The following RTEL1 variants were observed in gnomAD, a reference collection of about 807,000 sequenced individuals.
The protein encoded by RTEL1 is regulator of telomere length.
A neutral mutation model predicts 162.2 loss-of-function variants in RTEL1; 86 were observed. That is an observed-to-expected ratio of 0.53 (90% CI 0.45 to 0.63). The LOEUF (loss-of-function observed/expected upper bound fraction) is 0.63. Among genes scored for constraint, RTEL1 ranks in the 30% least tolerant of loss-of-function variants. The probability of loss-of-function intolerance (pLI) is 0.00; values close to 1 mark genes in which losing one functional copy is unlikely to be tolerated. For missense variants in RTEL1, 1,941 were observed against 1,750.2 expected (o/e 1.11, Z -1.95); for synonymous variants, 958 against 717.9 (o/e 1.33, Z -5.35).
chr20:63,684,500 C>T (rs1289328182), intron 14 of RTEL1, among the ~76,000 whole-genome samples: 4 of 152,154 alleles, frequency 2.6e-5, no homozygotes, highest in Non-Finnish European at 4.4e-5. Flanking sequence ...ATTATAGGCA[C>T]CTGCCACCAC....
intron 28 of RTEL1, 184 bp downstream of exon 28, chr20:63,692,021 C>T: frequency 1.8e-6 from 1 of 560,922 alleles, no homozygotes; most frequent in Non-Finnish European, 3.2e-6. Flanking sequence ...CTGCAGGGGG[C>T]TCATGAGTCC....
chr20:63,667,436 T>A (rs1236588015), intron 7 of RTEL1, 33 bp from the exon 8 acceptor site: 1 of 1,551,826 alleles, frequency 6.4e-7, no homozygotes, highest in African/African-American at 1.4e-5. Flanking sequence ...CTGCATGGGG[T>A]GCTCACAGGA....
At position 63,673,861 on chromosome 20, in the gene RTEL1, C is replaced by T. The variant is rs967211747; in HGVS notation, c.766-79C>T. ...GGCTGTCAGCCTCCTGTGCCTTCTG[C>T]ACCCCCACCCCATTTCTGCTTTCTG... is the stretch of plus-strand genomic sequence containing the variant. On this transcript the variant is annotated intron_variant, in intron 9 of 34. Transcript: ENST00000360203. The T allele has an allele frequency of 6.0e-6, 9 of 1,492,684 alleles. No homozygotes were observed. In the African/African-American group the frequency reaches 1.1e-4, roughly 19 times the overall value. 92.5% of individuals were successfully genotyped at this position (1,492,684 alleles called of 1,614,324 possible). A position where few individuals can be genotyped will look rare whatever the true frequency, so the allele number is the denominator to read the frequency against.
intron 8 of RTEL1, 99 bp downstream of exon 8, chr20:63,667,652 TCAG>T: frequency 1.0e-6 from 1 of 974,698 alleles, no homozygotes. Context: ...GGGCCTTAGA[TCAG>T]CAGGCCTGGG....
In RTEL1 at chr20:63,689,107, C is replaced by T. The variant is rs773671532; in HGVS notation, c.1853C>T (p.Thr618Ile). 6 of 1,610,190 alleles carry T rather than the reference C, an allele frequency of 3.7e-6. No individual in the cohort carries two copies. In the African/African-American group the frequency reaches 5.3e-5, roughly 14 times the overall value. The stretch of plus-strand genomic sequence containing the variant: ...GCCGCCCCTGGGTCCACCGGCGCCA[C>T]CTTCCTGGCGGTCTGCCGGGGCAAG... ...RVAAPGSTGA[T>I]FLAVCRGKAS... The change falls in exon 22 of 35, where the codon ACC becomes ATC. Residue 618 changes from threonine (T) to isoleucine (I), a missense_variant. Transcript: ENST00000360203.
Position 63,695,516 on chromosome 20 carries a change from G to A in RTEL1, c.3688G>A (p.Ala1230Thr), listed in dbSNP as rs376783852. 2.5e-6 allele frequency: 4 copies of A among 1,612,140 alleles called. No individual in the cohort carries two copies. The South Asian group carries it at 4.4e-5, about 18-fold the overall frequency. The change falls in exon 34 of 35, where the codon GCC (alanine) becomes ACC (threonine). Residue 1230 changes from alanine to threonine, a missense_variant. Transcript: ENST00000360203. ...PHGRDIAGQQ[A>T]TGAPGGPLSA... The stretch of plus-strand genomic sequence containing the variant: ...TGGGAGAGACATCGCTGGGCAGCAG[G>A]CCACGGGAGCTCCGGGCGGGCCCCT...
At position 63,695,173 on chromosome 20, in the gene RTEL1, G is replaced by A. The variant is rs1321345887; in HGVS notation, c.3451G>A (p.Glu1151Lys). The A allele has an allele frequency of 6.2e-7, 1 of 1,612,382 alleles. No homozygotes were observed. Among genetic ancestry groups the A allele is most frequent in the Middle Eastern group, 1.7e-4 (1 of 6,060 alleles). Residue 1151 changes from glutamate (E) to lysine (K), a missense_variant, in exon 33 of 35, where the codon GAG (glutamate) becomes AAG (lysine). Glu to Lys is a moderately conservative substitution (Grantham distance 56). Coordinates refer to ENST00000360203, the MANE Select transcript of RTEL1 (RefSeq NM_001283009.2). Reference protein sequence around the residue: ...PGMEPPGPQEERLAVPPVLTH... With the variant: ...PGMEPPGPQEKRLAVPPVLTH... ...CATGGAGCCACCGGGACCCCAGGAG[G>A]AGAGGCTTGCCGTGCCTCCTGTGCT...
intron 14 of RTEL1, chr20:63,681,475 A>G: frequency 1.0e-6 from 1 of 985,166 alleles, no homozygotes; most frequent in Non-Finnish European, 1.2e-6. Context: ...TGCTGGCCAC[A>G]CGAGATCATG....
At position 63,662,519 on chromosome 20, in the gene RTEL1, T is replaced by C. The variant is rs774523585; in HGVS notation, c.396-27T>C. ...TGTGGGTGTTGGAGACAGCTCCTCC[T>C]CGACCCACGGTGCTCTCTCCCACCA... On this transcript the variant is annotated intron_variant, in intron 4 of 34. Transcript: ENST00000360203. 106 of 1,613,076 alleles carry C rather than the reference T, an allele frequency of 6.6e-5. No individual in the cohort carries two copies. Among genetic ancestry groups the C allele is most frequent in the Non-Finnish European group, 8.5e-5 (100 of 1,179,746 alleles).
At chr20:63,667,039 C>G (rs778595187) in intron 7 of RTEL1, among the ~76,000 whole-genome samples, 2 of 151,752 alleles carry the variant, frequency 1.3e-5, no homozygotes, top group South Asian at 4.2e-4. Context: ...CGGGGTTTCA[C>G]CGTGTTAGCC....
At position 63,693,244 on chromosome 20, in the gene RTEL1, C is replaced by G. The variant is rs772031890; in HGVS notation, c.2953C>G (p.Pro985Ala). ...GCGYRPEHSI[P>A]RRQRAQPVLD... Reference sequence around the variant, plus strand: ...TGGCTATCGGCCTGAGCACAGCATTCCCCGAAGGCAGCGGGCACAGCCGGT... The same window carrying G: ...TGGCTATCGGCCTGAGCACAGCATTGCCCGAAGGCAGCGGGCACAGCCGGT... Residue 985 changes from proline to alanine, a missense_variant, in exon 30 of 35, where the codon CCC becomes GCC. Transcript: ENST00000360203. The G allele has an allele frequency of 1.2e-6, 2 of 1,612,006 alleles. No individual in the cohort carries two copies. The highest frequency in any genetic ancestry group is 1.1e-5 in the South Asian group (1 of 91,092).
chr20:63,693,308 C>T (rs373658720), intron 30 of RTEL1, 25 bp downstream of exon 30: 3 of 1,610,424 alleles, frequency 1.9e-6, no homozygotes, highest in African/African-American at 1.3e-5. Flanking sequence ...AGGTGGGACC[C>T]TCAGACTCCT....
chr20:63,676,127 G>T (rs950274076), intron 10 of RTEL1, among the ~76,000 whole-genome samples: 1 of 152,058 alleles, frequency 6.6e-6, no homozygotes, highest in Non-Finnish European at 1.5e-5. Context: ...GGAGAGCGGT[G>T]GTGCCATCAC....
At chr20:63,693,036 G>C (rs767423621) in intron 29 of RTEL1, 33 bp downstream of exon 29, 5 of 1,610,888 alleles carry the variant, frequency 3.1e-6, no homozygotes, top group East Asian at 2.2e-5. Flanking sequence ...CCCACCCTGA[G>C]GGCAGTGCTG....
chr20:63,690,841 G>A lies in RTEL1; in HGVS notation c.2450G>A (p.Cys817Tyr), dbSNP rs750290515. The part of the protein sequence containing the change: ...PAAGDPESSL[C>Y]VEYEQEPVPA... ...GCCGGGGACCCCGAGAGTAGCCTGTGTGTGGAGTATGAGCAGGAGCCAGTT... is the reference window on the plus strand; with the variant it reads ...GCCGGGGACCCCGAGAGTAGCCTGTATGTGGAGTATGAGCAGGAGCCAGTT... Residue 817 changes from cysteine (C) to tyrosine (Y), a missense_variant, in exon 27 of 35, where the codon TGT becomes TAT. Cys to Tyr is a radical substitution (Grantham distance 194). Coordinates refer to ENST00000360203, the MANE Select transcript of RTEL1 (RefSeq NM_001283009.2). 3.7e-6 allele frequency: 6 copies of A among 1,605,640 alleles called. No individual in the cohort carries two copies. Among genetic ancestry groups the A allele is most frequent in the Admixed American group, 1.7e-5 (1 of 59,380 alleles).
chr20:63,688,612 A>C lies in RTEL1; in HGVS notation c.1800+7A>C. The C allele has an allele frequency of 6.2e-7, 1 of 1,601,914 alleles. No individual in the cohort carries two copies. The highest frequency in any genetic ancestry group is 8.5e-7 in the Non-Finnish European group (1 of 1,176,172). Reference sequence around the variant, plus strand: ...CAAAGGCAGCTTCTCCGAGGTCGGCACTTGGCCGGGGCTCTGGGCCTGCTG... The same window carrying C: ...CAAAGGCAGCTTCTCCGAGGTCGGCCCTTGGCCGGGGCTCTGGGCCTGCTG... On this transcript the variant is annotated splice_region_variant and intron_variant, in intron 21 of 34. Coordinates refer to ENST00000360203, the MANE Select transcript of RTEL1 (RefSeq NM_001283009.2).
chr20:63,689,486 C>T lies in RTEL1; in HGVS notation c.1879-16C>T, dbSNP rs373555734. The T allele has an allele frequency of 6.4e-7, 1 of 1,564,318 alleles. No homozygotes were observed. The highest frequency in any genetic ancestry group is 8.7e-7 in the Non-Finnish European group (1 of 1,155,020). ...AGCCCCCACGGCCCCAGGCAGCTCC[C>T]TGGTGTGTCCCCTAGGCCAGCGAGG... On this transcript the variant is annotated splice_polypyrimidine_tract_variant and intron_variant, in intron 22 of 34. Transcript: ENST00000360203.
intron 11 of RTEL1, 27 bp from the exon 12 acceptor site, chr20:63,678,241 G>C: frequency 1.2e-6 from 2 of 1,612,928 alleles, no homozygotes; most frequent in Non-Finnish European, 1.7e-6. Context: ...CTTGCGAGGA[G>C]GTGGGTGACA....
At chr20:63,691,260 G>A (rs1411286377) in intron 27 of RTEL1, among the ~76,000 whole-genome samples, 4 of 152,320 alleles carry the variant, frequency 2.6e-5, no homozygotes, top group Admixed American at 6.5e-5. Flanking sequence ...GCCACTGGCT[G>A]CGCTTGAGGC....
Sources: gnomAD v4.1 joint callset for allele counts (sites outside exome capture counted in the v4.1 genomes callset) on GRCh38, gnomAD v4.1.1 for gene constraint, MANE v1.5 for transcripts, NCBI Gene and HGNC (gene_info 2026-07-23, HGNC 2026-07-21) for gene names.